IGSF11: variants seen among roughly 807,000 people sequenced by gnomAD.
IGSF11 encodes the protein CXADR like 1.
A neutral mutation model predicts 41.0 loss-of-function variants in IGSF11; 22 were observed. The ratio of observed to expected loss-of-function variants is 0.54; its 90% CI spans 0.38 to 0.77. IGSF11 has a LOEUF of 0.77. Ranked by LOEUF, IGSF11 falls within the 30% of genes least tolerant of loss-of-function variation. IGSF11 has a pLI of 0.00. For missense variants in IGSF11, 444 were observed against 530.8 expected, an observed-to-expected ratio of 0.84 and a Z score of 1.61; for synonymous variants, 219 against 201.3, an observed-to-expected ratio of 1.09 and a Z score of -0.74.
At chr3:119,034,952 C>T (rs1218315233), upstream of IGSF11, 6 of 599,496 alleles carry the variant, frequency 1.0e-5, no homozygotes, top group Non-Finnish European at 8.6e-6. Context: ...CCCGCTTGGT[C>T]TCCAGGGCAA....
At chr3:119,106,363 A>G (rs113165083), upstream of IGSF11, among the ~76,000 whole-genome samples, 547 of 152,212 alleles carry the variant, frequency 3.6e-3, 2 homozygotes, top group African/African-American at 0.012. Context: ...CGAACTTCCC[A>G]CTACCCTTCC....
intron 1 of IGSF11, among the ~76,000 whole-genome samples, chr3:118,950,856 C>T (rs1384509105): frequency 6.6e-6 from 1 of 152,044 alleles, no homozygotes; most frequent in Non-Finnish European, 1.5e-5. Flanking sequence ...TTGGGGGAAC[C>T]TCAAAAACAA....
intron 1 of IGSF11, among the ~76,000 whole-genome samples, chr3:119,040,077 T>G (rs1267511755): frequency 6.6e-6 from 1 of 152,198 alleles, no homozygotes; most frequent in Non-Finnish European, 1.5e-5. Flanking sequence ...AGATTAGAAA[T>G]TATGGTTTAG....
chr3:118,902,532 C>T lies in IGSF11; in HGVS notation c.1284G>A (p.Gly428=). 3 of 1,461,042 alleles carry T rather than the reference C, an allele frequency of 2.1e-6. No homozygotes were observed. The highest frequency in any genetic ancestry group is 2.8e-6 in the Non-Finnish European group (3 of 1,081,998). 90.5% of individuals were successfully genotyped at this position (1,461,042 alleles called of 1,614,324 possible). The change falls in exon 7 of 7, where the codon GGG becomes GGA. Residue 428 remains glycine, a synonymous_variant. Transcript: ENST00000393775. The part of the protein sequence containing the change: ...PVMVPAQSRA[G]SLV ...ATTTCCTCATGTCCTATACCAAGGA[C>T]CCGGCCCGACTCTGGGCTGGTACCA...
chr3:119,061,466 G>C (rs927898513), intron 1 of IGSF11, among the ~76,000 whole-genome samples: 1 of 152,120 alleles, frequency 6.6e-6, no homozygotes, highest in Non-Finnish European at 1.5e-5. Flanking sequence ...TGTAGGATGG[G>C]ACTCAATGGA....
intron 1 of IGSF11, among the ~76,000 whole-genome samples, chr3:119,089,636 A>C (rs995424060): frequency 1.3e-5 from 2 of 152,204 alleles, no homozygotes; most frequent in Non-Finnish European, 2.9e-5. Context: ...AAGTCAAACT[A>C]TCTCTCTTTG....
At chr3:119,077,627 A>G (rs1335690961) in intron 1 of IGSF11, among the ~76,000 whole-genome samples, 1 of 152,146 alleles carries the variant, frequency 6.6e-6, no homozygotes, top group East Asian at 1.9e-4. Context: ...ACAAGACAAG[A>G]ATGCCTACTC....
At chr3:119,011,896 C>A (rs1436558794) in intron 1 of IGSF11, among the ~76,000 whole-genome samples, 3 of 152,032 alleles carry the variant, frequency 2.0e-5, no homozygotes, top group South Asian at 2.1e-4. Context: ...CTAAGAAAAT[C>A]TGATTCATTC....
chr3:119,042,296 G>C (rs9867029), intron 1 of IGSF11, among the ~76,000 whole-genome samples: 2,817 of 152,330 alleles, frequency 0.018, 92 homozygotes, highest in African/African-American at 0.064. Flanking sequence ...GCACATTGGA[G>C]TGCTCAGTGG....
intron 1 of IGSF11, among the ~76,000 whole-genome samples, chr3:118,992,799 G>T (rs983012345): frequency 6.6e-6 from 1 of 152,106 alleles, no homozygotes; most frequent in African/African-American, 2.4e-5. Context: ...AAAAATTGAG[G>T]TTCAACTTTA....
At chr3:118,994,482 C>G (rs1936083380) in intron 1 of IGSF11, among the ~76,000 whole-genome samples, 2 of 152,100 alleles carry the variant, frequency 1.3e-5, no homozygotes, top group African/African-American at 4.8e-5. Context: ...CATAGTAAGT[C>G]CTCATCTCTA....
intron 1 of IGSF11, among the ~76,000 whole-genome samples, chr3:118,942,132 T>C (rs1943742778): frequency 3.3e-5 from 5 of 152,224 alleles, no homozygotes. Flanking sequence ...TTATTGTATG[T>C]AAGTTATACT....
chr3:118,932,393 C>T (rs1942933056), intron 1 of IGSF11, among the ~76,000 whole-genome samples: 1 of 152,130 alleles, frequency 6.6e-6, no homozygotes, highest in African/African-American at 2.4e-5. Flanking sequence ...AAAAAATAAA[C>T]ATGCATAACA....
intron 1 of IGSF11, among the ~76,000 whole-genome samples, chr3:119,073,049 A>C (rs2076427867): frequency 6.6e-6 from 1 of 152,172 alleles, no homozygotes; most frequent in Non-Finnish European, 1.5e-5. Context: ...TGAGCTAGAC[A>C]CAGCACTGAT....
At chr3:119,026,312 T>G (rs1939821491) in intron 1 of IGSF11, among the ~76,000 whole-genome samples, 2 of 152,194 alleles carry the variant, frequency 1.3e-5, no homozygotes, top group African/African-American at 4.8e-5. Flanking sequence ...GCTAGTTGTC[T>G]CTACAGCAAT....
chr3:119,111,471 T>C, intron 1 of IGSF11, among the ~76,000 whole-genome samples: 1 of 152,194 alleles, frequency 6.6e-6, no homozygotes, highest in South Asian at 2.1e-4. Flanking sequence ...TCTGTATTGG[T>C]TATTCTAGTC....
intron 1 of IGSF11, among the ~76,000 whole-genome samples, chr3:119,142,692 T>A (rs534676747): frequency 6.6e-6 from 1 of 152,016 alleles, no homozygotes; most frequent in South Asian, 2.1e-4. Flanking sequence ...TTTAAAGAAG[T>A]AATGGCTGAA....
In IGSF11 at chr3:118,904,543, C is replaced by T. The variant is rs116388640; in HGVS notation, c.854+105G>A. The T allele has an allele frequency of 6.0e-4, 493 of 816,354 alleles. No individual in the cohort carries two copies. In the African/African-American group the frequency reaches 6.9e-3, roughly 11 times the overall value. The allele number at this position is 816,354 out of a possible 1,614,324, so 50.6% of individuals were successfully genotyped here. ...TACCATTTAGCCACTTTAATAGTCT[C>T]GGCCATCAGAGTTTTATGATTAGTA... On this transcript the variant is annotated intron_variant, in intron 6 of 6. Coordinates refer to ENST00000393775, the MANE Select transcript of IGSF11 (RefSeq NM_001015887.3).
intron 1 of IGSF11, among the ~76,000 whole-genome samples, chr3:119,000,744 G>C (rs1936739241): frequency 6.6e-6 from 1 of 152,110 alleles, no homozygotes; most frequent in Non-Finnish European, 1.5e-5. Flanking sequence ...CAATTGCATT[G>C]AAACACATTG....
Sources: allele counts gnomAD v4.1 joint callset (sites outside exome capture counted in the v4.1 genomes callset), GRCh38; gene constraint gnomAD v4.1.1; transcripts MANE v1.5; gene names NCBI Gene and HGNC (gene_info 2026-07-23, HGNC 2026-07-21).